ZNF654: variants seen among roughly 807,000 people sequenced by gnomAD.
ZNF654 encodes zinc finger protein 654.
A neutral mutation model predicts 95.3 loss-of-function variants in ZNF654; 19 were observed. That is an observed-to-expected ratio of 0.20 (90% confidence interval 0.14 to 0.29). ZNF654 has a LOEUF of 0.29. ZNF654 is among the 10% of genes least tolerant of loss of function. The pLI, the probability that ZNF654 is intolerant of heterozygous loss-of-function variation, is 1.00. For synonymous variants in ZNF654, 413 were observed against 457.9 expected (o/e 0.90, Z 1.25); for missense variants, 1,046 against 1,341.0 (o/e 0.78, Z 3.44).
intron 1 of ZNF654, among the ~76,000 whole-genome samples, chr3:88,085,761 T>C (rs896503213): frequency 2.6e-5 from 4 of 152,184 alleles, no homozygotes; most frequent in Admixed American, 1.3e-4. Context: ...TCTGGACTCT[T>C]TTCCCCATAG....
At chr3:88,085,912 T>G (rs1275332844) in intron 1 of ZNF654, among the ~76,000 whole-genome samples, 1 of 152,222 alleles carries the variant, frequency 6.6e-6, no homozygotes, top group Non-Finnish European at 1.5e-5. Context: ...TTTTCTTTAT[T>G]ACTATATTCT....
At chr3:88,127,424 G>A (rs2107827284) in intron 4 of ZNF654, among the ~76,000 whole-genome samples, 1 of 139,144 alleles carries the variant, frequency 7.2e-6, no homozygotes, top group African/African-American at 2.6e-5. Flanking sequence ...GGTGTTTGAT[G>A]TGTGGATCTT....
chr3:88,107,951 G>A (rs1704844875), intron 2 of ZNF654, among the ~76,000 whole-genome samples: 1 of 151,692 alleles, frequency 6.6e-6, no homozygotes, highest in Admixed American at 6.6e-5. Context: ...ATAGTGCTGT[G>A]TTTCCTTGTA....
At chr3:88,119,133 C>T (rs1172949773) in intron 3 of ZNF654, among the ~76,000 whole-genome samples, 1 of 147,902 alleles carries the variant, frequency 6.8e-6, no homozygotes, top group African/African-American at 2.5e-5. Context: ...TTGGAACCAA[C>T]CCAAATGTCC....
At chr3:88,107,596 T>G (rs2107742936) in intron 2 of ZNF654, among the ~76,000 whole-genome samples, 1 of 152,304 alleles carries the variant, frequency 6.6e-6, no homozygotes, top group African/African-American at 2.4e-5. Context: ...CTTATTTCCC[T>G]TTTAGAACTA....
intron 6 of ZNF654, among the ~76,000 whole-genome samples, chr3:88,131,793 C>G (rs1178665352): frequency 6.6e-6 from 1 of 151,994 alleles, no homozygotes; most frequent in Non-Finnish European, 1.5e-5. Flanking sequence ...TGTTAAGGTC[C>G]CTTTTCTTCC....
chr3:88,141,455 C>G (rs760781958), intron 8 of ZNF654, among the ~76,000 whole-genome samples, 190 bp from the exon 9 acceptor site: 21 of 151,884 alleles, frequency 1.4e-4, no homozygotes, highest in African/African-American at 1.9e-4. Flanking sequence ...GAATCTGTGT[C>G]TCTGTTACAA....
At chr3:88,062,609 C>T (rs1706948745) in intron 1 of ZNF654, among the ~76,000 whole-genome samples, 1 of 152,044 alleles carries the variant, frequency 6.6e-6, no homozygotes. Context: ...AATTTTTTGT[C>T]ATAAATTGAT....
chr3:88,059,551 C>T (rs1292266215), intron 1 of ZNF654, 46 bp downstream of exon 1: 7 of 1,449,922 alleles, frequency 4.8e-6, no homozygotes, highest in Admixed American at 2.8e-5. Flanking sequence ...GGGTCCTGGG[C>T]CTCTCTGCGT....
At chr3:88,074,330 C>T (rs1450365281) in intron 1 of ZNF654, among the ~76,000 whole-genome samples, 10 of 133,526 alleles carry the variant, frequency 7.5e-5, no homozygotes, top group African/African-American at 2.4e-4. Context: ...CTTCCAGGCT[C>T]TTTTTATATC....
intron 7 of ZNF654, among the ~76,000 whole-genome samples, chr3:88,136,615 T>C (rs1193312870): frequency 6.6e-6 from 1 of 152,190 alleles, no homozygotes; most frequent in Non-Finnish European, 1.5e-5. Flanking sequence ...TTATTTGTTT[T>C]TCACAACCAT....
At chr3:88,074,769 G>C (rs545623848) in intron 1 of ZNF654, among the ~76,000 whole-genome samples, 1 of 152,042 alleles carries the variant, frequency 6.6e-6, no homozygotes, top group Admixed American at 6.5e-5. Context: ...CTAAATTCAG[G>C]GAATTACTTT....
rs1241402760 is a variant in ZNF654 at position 88,141,056 on chromosome 3, T to C, written c.3379+8T>C. 1.9e-6 allele frequency: 3 copies of C among 1,579,162 alleles called. No homozygotes were observed. Among genetic ancestry groups the C allele is most frequent in the Non-Finnish European group, 2.6e-6 (3 of 1,165,370 alleles). On this transcript the variant is annotated splice_region_variant and intron_variant, in intron 8 of 8. Transcript: ENST00000636215. ...TTGATTCAGATGATGAAAGTAAGTC[T>C]TCTGTCTTCTTAGTAGAGGTATCTG... is the stretch of plus-strand genomic sequence containing the variant.
chr3:88,104,589 A>C (rs2107731644), intron 2 of ZNF654, among the ~76,000 whole-genome samples: 1 of 152,384 alleles, frequency 6.6e-6, no homozygotes, highest in East Asian at 1.9e-4. Flanking sequence ...TGACAAAAAT[A>C]GTACATAGGT....
At chr3:88,061,763 G>A (rs1479626099) in intron 1 of ZNF654, among the ~76,000 whole-genome samples, 1 of 152,036 alleles carries the variant, frequency 6.6e-6, no homozygotes, top group Admixed American at 6.6e-5. Flanking sequence ...TTAAAAATTT[G>A]GTTTTCTGAC....
At chr3:88,080,473 A>C (rs988606503) in intron 1 of ZNF654, among the ~76,000 whole-genome samples, 1 of 152,048 alleles carries the variant, frequency 6.6e-6, no homozygotes, top group African/African-American at 2.4e-5. Context: ...TTAAATTTTC[A>C]ATAGGCCTGT....
At chr3:88,105,560 G>T (rs1207321652) in intron 2 of ZNF654, among the ~76,000 whole-genome samples, 2 of 152,060 alleles carry the variant, frequency 1.3e-5, no homozygotes, top group Non-Finnish European at 2.9e-5. Context: ...TGGGTCAAAG[G>T]ATGAACACAT....
intron 3 of ZNF654, among the ~76,000 whole-genome samples, chr3:88,119,559 AAAAC>A (rs1705645607): frequency 6.6e-6 from 1 of 152,076 alleles, no homozygotes; most frequent in African/African-American, 2.4e-5. Context: ...TAAAAAAAAA[AAAAC>A]AATAATTATT....
chr3:88,088,454 AC>A (rs759647404), intron 2 of ZNF654, among the ~76,000 whole-genome samples: 27 of 152,210 alleles, frequency 1.8e-4, no homozygotes, highest in Non-Finnish European at 3.1e-4. Flanking sequence ...AACATTAAAA[AC>A]ATCAGTATCA....
Sources: gnomAD v4.1 joint callset for allele counts (sites outside exome capture counted in the v4.1 genomes callset) on GRCh38, gnomAD v4.1.1 for gene constraint, MANE v1.5 for transcripts, NCBI Gene and HGNC (gene_info 2026-07-23, HGNC 2026-07-21) for gene names.